Variants in DNAH9 observed in about 807,000 individuals in gnomAD.
DNAH9 encodes the protein dynein axonemal heavy chain 9, also known as DNAH9 variant protein.
Under a neutral mutation model 471.6 loss-of-function variants are expected in DNAH9, and 345 were observed. The observed-to-expected ratio is 0.73, with a 90% CI of 0.67 to 0.80. DNAH9 has a LOEUF of 0.80. Ranked by LOEUF, DNAH9 falls within the 30% of genes least tolerant of loss-of-function variation. The probability of loss-of-function intolerance (pLI) is 0.00; values close to 1 mark genes in which losing one functional copy is unlikely to be tolerated. For missense variants in DNAH9, 5,407 were observed against 5,609.2 expected, an observed-to-expected ratio of 0.96 and a Z score of 1.15; for synonymous variants, 2,093 against 2,123.6, an observed-to-expected ratio of 0.99 and a Z score of 0.40.
rs1328728080 is a variant in DNAH9 at position 11,891,934 on chromosome 17, A to G, written c.11270A>G (p.Gln3757Arg). 2.5e-6 allele frequency: 4 copies of G among 1,613,260 alleles called. No individual in the cohort carries two copies. Among genetic ancestry groups the G allele is most frequent in the Non-Finnish European group, 3.4e-6 (4 of 1,179,556 alleles). The part of the protein sequence containing the change: ...FECDKLTYLA[Q>R]LTFQILLMNR... ...TGTGATAAGCTGACCTACCTTGCCC[A>G]GCTCACCTTTCAGGTAAAAGTGGAT... The change falls in exon 58 of 69, where the codon CAG becomes CGG. Residue 3757 changes from glutamine to arginine, a missense_variant. Transcript: ENST00000262442.
In DNAH9 at chr17:11,792,281, A is replaced by G. The variant is rs1199731148; in HGVS notation, c.8062-1222A>G. Among the ~76,000 whole-genome samples the G allele has an allele frequency of 4.6e-5, 7 of 152,186 alleles. No individual in the cohort carries two copies. In the South Asian group the frequency reaches 1.2e-3, roughly 27 times the overall value. Reference sequence around the variant, plus strand: ...AAGAGCGAAACTCCGTCTCAAAAAGAAAAGAGTGATCATGAGGAAGCAGAT... The same window carrying G: ...AAGAGCGAAACTCCGTCTCAAAAAGGAAAGAGTGATCATGAGGAAGCAGAT... On this transcript the variant is annotated intron_variant, in intron 41 of 68. Transcript: ENST00000262442.
intron 49 of DNAH9, among the ~76,000 whole-genome samples, chr17:11,835,421 G>A (rs895109810): frequency 6.6e-6 from 1 of 152,138 alleles, no homozygotes; most frequent in Non-Finnish European, 1.5e-5. Flanking sequence ...AATCAAAATT[G>A]GTAAGTAATT....
intron 6 of DNAH9, among the ~76,000 whole-genome samples, chr17:11,621,819 C>G (rs922724809): frequency 1.3e-5 from 2 of 152,114 alleles, no homozygotes; most frequent in African/African-American, 4.8e-5. Flanking sequence ...CGGTGGCTCA[C>G]GCCTGTAATC....
intron 18 of DNAH9, 116 bp from the exon 19 acceptor site, chr17:11,680,607 A>G: frequency 1.2e-6 from 1 of 821,428 alleles, no homozygotes; most frequent in Non-Finnish European, 1.9e-6. Context: ...TGACACCACC[A>G]CACCATTGTA....
At position 11,854,162 on chromosome 17, in the gene DNAH9, G is replaced by A. The variant is rs1161820565; in HGVS notation, c.9667G>A (p.Asp3223Asn). Residue 3223 changes from aspartate to asparagine, a missense_variant, in exon 50 of 69, where the codon GAC becomes AAC. Around this residue, in one of 3 missense-constraint regions of DNAH9, gnomAD observed 4,636 missense variants for 4,900.3 expected, o/e 0.95. Coordinates refer to ENST00000262442, the MANE Select transcript of DNAH9 (RefSeq NM_001372.4). ...VTMAKVDGFL[D>N]SLINFNKENI... ...CATGGCCAAAGTGGATGGCTTCCTG[G>A]ACTCGCTAATAAACTTCAACAAAGA... 3.1e-6 allele frequency: 5 copies of A among 1,613,992 alleles called. No individual in the cohort carries two copies. In the African/African-American group the frequency reaches 5.3e-5, roughly 17 times the overall value.
At chr17:11,838,717 C>T (rs549013013) in intron 49 of DNAH9, among the ~76,000 whole-genome samples, 23 of 152,154 alleles carry the variant, frequency 1.5e-4, no homozygotes, top group African/African-American at 5.3e-4. Flanking sequence ...AGCTGTAGAC[C>T]GGTTCACAAT....
chr17:11,963,667 TAA>T (rs397857321), intron 68 of DNAH9, among the ~76,000 whole-genome samples: 1 of 151,392 alleles, frequency 6.6e-6, no homozygotes, highest in Non-Finnish European at 1.5e-5. Context: ...AAATTTTTTT[TAA>T]AAAAAAGAAA....
intron 22 of DNAH9, among the ~76,000 whole-genome samples, chr17:11,695,979 G>A (rs1364497939): frequency 2.6e-5 from 4 of 152,152 alleles, no homozygotes; most frequent in Admixed American, 1.3e-4. Flanking sequence ...GTTTGAATAT[G>A]TATGACACTG....
At chr17:11,940,952 A>G (rs1399283801) in intron 66 of DNAH9, among the ~76,000 whole-genome samples, 4 of 152,124 alleles carry the variant, frequency 2.6e-5, no homozygotes, top group Non-Finnish European at 5.9e-5. Flanking sequence ...GAAATGGCTC[A>G]CTCTATCAAG....
Position 11,852,846 on chromosome 17 carries a change from A to G in DNAH9, c.9508-1157A>G, listed in dbSNP as rs202101502. ...TATATATATATATATATATATATATATATATATATATATATGAAAGTGTGT... is the reference window on the plus strand; with the variant it reads ...TATATATATATATATATATATATATGTATATATATATATATGAAAGTGTGT... On this transcript the variant is annotated intron_variant, in intron 49 of 68. Transcript: ENST00000262442. Among the ~76,000 whole-genome samples, 229 of 136,738 alleles carry G rather than the reference A, an allele frequency of 1.7e-3. 4 individuals are homozygous for G. Among genetic ancestry groups the G allele is most frequent in the Middle Eastern group, 0.011 (3 of 274 alleles). 89.7% of individuals were successfully genotyped at this position (136,738 alleles called of 152,430 possible).
intron 42 of DNAH9, 115 bp downstream of exon 42, chr17:11,793,779 G>A (rs1969145083): frequency 1.1e-6 from 1 of 887,740 alleles, no homozygotes; most frequent in Non-Finnish European, 1.7e-6. Context: ...GAGTTTAGGT[G>A]AGGAAGGAAA....
intron 48 of DNAH9, among the ~76,000 whole-genome samples, chr17:11,830,668 G>A (rs922811341): frequency 1.3e-5 from 2 of 152,192 alleles, no homozygotes; most frequent in Non-Finnish European, 2.9e-5. Context: ...TTATCAAGAC[G>A]TTTTTGATGG....
intron 61 of DNAH9, among the ~76,000 whole-genome samples, chr17:11,908,166 G>T (rs1018001782): frequency 1.3e-5 from 2 of 152,058 alleles, no homozygotes; most frequent in African/African-American, 4.8e-5. Flanking sequence ...GTATATACAG[G>T]CTTCACATCT....
chr17:11,679,999 C>T lies in DNAH9; in HGVS notation c.3576+20C>T. 6.9e-6 allele frequency: 11 copies of T among 1,583,698 alleles called. No homozygotes were observed. The highest frequency in any genetic ancestry group is 9.5e-6 in the Non-Finnish European group (11 of 1,154,672). On this transcript the variant is annotated intron_variant, in intron 18 of 68. Coordinates refer to ENST00000262442, the MANE Select transcript of DNAH9 (RefSeq NM_001372.4). ...CTGGAGGTCAGTGCATTTATGTCTT[C>T]CTTATAAAAGAAATAGAGGAAACAT... is the stretch of plus-strand genomic sequence containing the variant.
intron 49 of DNAH9, among the ~76,000 whole-genome samples, chr17:11,852,814 GTATATATATATA>G (rs58555259): frequency 0.021 from 1,959 of 92,696 alleles, 162 homozygotes; most frequent in East Asian, 0.14. Flanking sequence ...GTGTGTGTGT[GTATATATATATA>G]TATATATATA....
chr17:11,792,946 G>A (rs902056799), intron 41 of DNAH9, among the ~76,000 whole-genome samples: 1 of 152,194 alleles, frequency 6.6e-6, no homozygotes. Flanking sequence ...GGATCATCAT[G>A]AGTATTAAAT....
chr17:11,775,790 G>C (rs1350036628), intron 38 of DNAH9, among the ~76,000 whole-genome samples: 1 of 151,858 alleles, frequency 6.6e-6, no homozygotes, highest in Admixed American at 6.6e-5. Flanking sequence ...ATTTTTAGTA[G>C]AGACGGGATT....
chr17:11,778,954 C>T (rs988793872), intron 38 of DNAH9, among the ~76,000 whole-genome samples: 3 of 151,928 alleles, frequency 2.0e-5, no homozygotes. Context: ...TGCAGTAAGC[C>T]GAGGTTGCAC....
intron 68 of DNAH9, among the ~76,000 whole-genome samples, chr17:11,963,727 G>T (rs1976449705): frequency 6.6e-6 from 1 of 152,142 alleles, no homozygotes; most frequent in African/African-American, 2.4e-5. Context: ...GTTTTATAAT[G>T]CTTACCATTC....
Sources: gnomAD v4.1 joint callset for allele counts (sites outside exome capture counted in the v4.1 genomes callset) on GRCh38, gnomAD v4.1.1 for gene constraint, gnomAD v4.1.1 regional missense constraint, MANE v1.5 for transcripts, NCBI Gene and HGNC (gene_info 2026-07-23, HGNC 2026-07-21) for gene names.